Variants in FRMD6 observed in about 807,000 individuals in gnomAD.
The protein encoded by FRMD6 is FERM domain containing 6, also known as FERM domain-containing protein 6.
In FRMD6, 37 loss-of-function variants were observed where a neutral mutation model predicts 73.2. That is an observed-to-expected ratio of 0.51 (90% CI 0.39 to 0.66). The LOEUF (loss-of-function observed/expected upper bound fraction) is 0.66, where lower values mean the gene tolerates loss of function less well. Among genes scored for constraint, FRMD6 ranks in the 30% least tolerant of loss-of-function variants. FRMD6 has a pLI of 0.00. For missense variants in FRMD6, 714 were observed against 780.5 expected (o/e 0.91, Z 1.02); for synonymous variants, 273 against 282.2 (o/e 0.97, Z 0.33).
At chr14:51,530,226 A>G (rs1885502277) in intron 1 of FRMD6, among the ~76,000 whole-genome samples, 1 of 152,230 alleles carries the variant, frequency 6.6e-6, no homozygotes, top group Admixed American at 6.5e-5. Flanking sequence ...TATGGTGGAC[A>G]TACTACATAG....
At chr14:51,720,532 C>T in intron 11 of FRMD6, 142 bp downstream of exon 11, 1 of 719,596 alleles carries the variant, frequency 1.4e-6, no homozygotes, top group Non-Finnish European at 2.3e-6. Flanking sequence ...TCCCCAATGA[C>T]TTGGTTGAGT....
chr14:51,694,246 G>A (rs557010044), intron 2 of FRMD6, among the ~76,000 whole-genome samples: 12 of 152,268 alleles, frequency 7.9e-5, no homozygotes, highest in Admixed American at 4.6e-4. Flanking sequence ...AAATGTAGGA[G>A]CCATAAAGAT....
At chr14:51,487,609 G>A (rs1460620939), upstream of FRMD6, among the ~76,000 whole-genome samples, 2 of 152,208 alleles carry the variant, frequency 1.3e-5, no homozygotes, top group Admixed American at 6.5e-5. Flanking sequence ...AAATGGTGGG[G>A]AGTTATGCTT....
chr14:51,677,351 T>C (rs535330051), intron 1 of FRMD6, among the ~76,000 whole-genome samples: 65 of 152,180 alleles, frequency 4.3e-4, no homozygotes, highest in African/African-American at 1.6e-3. Context: ...ATAATGAGAA[T>C]TTCACAGCAA....
upstream of FRMD6, among the ~76,000 whole-genome samples, chr14:51,486,936 G>GTTTTT (rs5808614): frequency 6.8e-6 from 1 of 146,340 alleles, no homozygotes. Flanking sequence ...GTATAAAACC[G>GTTTTT]TTTTTTTTTT....
chr14:51,636,938 T>C (rs1007010821), intron 2 of FRMD6, among the ~76,000 whole-genome samples: 1 of 152,168 alleles, frequency 6.6e-6, no homozygotes, highest in African/African-American at 2.4e-5. Context: ...AAATAGTAAT[T>C]GTAGGCTGGG....
the FRMD6 span, among the ~76,000 whole-genome samples, chr14:51,460,782 G>A: frequency 6.6e-6 from 1 of 152,156 alleles, no homozygotes; most frequent in Non-Finnish European, 1.5e-5. Context: ...TGAAGATGTT[G>A]ATTAGTGGTC....
the FRMD6 span, among the ~76,000 whole-genome samples, chr14:51,420,026 G>A: frequency 6.6e-6 from 1 of 151,766 alleles, no homozygotes. Flanking sequence ...GTGACTTCCT[G>A]CGCTTTTTAG....
chr14:51,590,124 T>A (rs542716633), intron 2 of FRMD6, among the ~76,000 whole-genome samples: 1 of 151,750 alleles, frequency 6.6e-6, no homozygotes, highest in Admixed American at 6.6e-5. Flanking sequence ...TTTGTTAATG[T>A]TGGATTTCTC....
At chr14:51,617,492 G>A (rs1890760287) in intron 2 of FRMD6, among the ~76,000 whole-genome samples, 2 of 152,110 alleles carry the variant, frequency 1.3e-5, no homozygotes, top group East Asian at 1.9e-4. Context: ...GTGAGATAAC[G>A]AACATGAATG....
chr14:51,522,975 A>G (rs964231286), intron 1 of FRMD6: 1 of 152,234 alleles, frequency 6.6e-6, no homozygotes, highest in Non-Finnish European at 1.5e-5. Context: ...TTACAAAAAT[A>G]TAGGTTATAG....
At chr14:51,447,053 C>T in the FRMD6 span, among the ~76,000 whole-genome samples, 2 of 152,302 alleles carry the variant, frequency 1.3e-5, no homozygotes, top group East Asian at 3.9e-4. Flanking sequence ...CTTTATAATA[C>T]TCTGTCCCGA....
the FRMD6 span, among the ~76,000 whole-genome samples, chr14:51,468,811 CCTTT>C: frequency 2.6e-5 from 4 of 152,146 alleles, no homozygotes; most frequent in African/African-American, 7.2e-5. Context: ...TTCCTTCCTT[CCTTT>C]CTTTATTATG....
At chr14:51,596,536 C>T (rs1355022609) in intron 2 of FRMD6, among the ~76,000 whole-genome samples, 3 of 152,068 alleles carry the variant, frequency 2.0e-5, no homozygotes, top group Non-Finnish European at 2.9e-5. Context: ...TGTACTCCTT[C>T]GTAAGTTTAC....
At chr14:51,525,638 A>C (rs1210641680) in intron 1 of FRMD6, among the ~76,000 whole-genome samples, 1 of 152,030 alleles carries the variant, frequency 6.6e-6, no homozygotes, top group African/African-American at 2.4e-5. Flanking sequence ...GCTTAATTTG[A>C]ATCCCTAGTA....
the FRMD6 span, among the ~76,000 whole-genome samples, chr14:51,455,297 A>C: frequency 6.6e-6 from 1 of 152,250 alleles, no homozygotes; most frequent in African/African-American, 2.4e-5. Flanking sequence ...CATAGAACAC[A>C]GTTTGAGCAA....
chr14:51,576,330 G>C (rs777997478), intron 2 of FRMD6: 1 of 152,158 alleles, frequency 6.6e-6, no homozygotes, highest in Non-Finnish European at 1.5e-5. Flanking sequence ...ACAGGCCAGG[G>C]GATCTGATGG....
chr14:51,717,292 A>G (rs1231153151), intron 10 of FRMD6: 1 of 152,206 alleles, frequency 6.6e-6, no homozygotes, highest in Non-Finnish European at 1.5e-5. Context: ...GCCAGCATCT[A>G]CCAAGGGCCT....
At chr14:51,650,176 A>C (rs535647948), upstream of FRMD6, 4 of 152,368 alleles carry the variant, frequency 2.6e-5, no homozygotes, top group East Asian at 7.7e-4. Flanking sequence ...TGTATTGTCA[A>C]TTGTGAAAAG....
Sources: gnomAD v4.1 joint callset for allele counts (sites outside exome capture counted in the v4.1 genomes callset) on GRCh38, gnomAD v4.1.1 for gene constraint, MANE v1.5 for transcripts, NCBI Gene and HGNC (gene_info 2026-07-23, HGNC 2026-07-21) for gene names.